IK: variants seen among roughly 807,000 people sequenced by gnomAD.
The protein encoded by IK is protein Red.
In IK, 47 loss-of-function variants were observed where a neutral mutation model predicts 90.9. The observed-to-expected ratio is 0.52, with a 90% CI of 0.41 to 0.66. The LOEUF is 0.66. Ranked by LOEUF, IK falls within the 30% of genes least tolerant of loss-of-function variation. IK has a pLI of 0.00. For missense variants in IK, 385 were observed against 709.3 expected (o/e 0.54, Z 5.19); for synonymous variants, 201 against 227.5 (o/e 0.88, Z 1.05).
intron 6 of IK, 104 bp from the exon 7 acceptor site, chr5:140,654,412 G>C: frequency 1.1e-6 from 1 of 900,268 alleles, no homozygotes; most frequent in Non-Finnish European, 1.7e-6. Context: ...AACAATATCT[G>C]TCATGTTTAA....
Position 140,648,492 on chromosome 5 carries a change from T to C in IK, c.38T>C (p.Leu13Ser), listed in dbSNP as rs761373849. 8 of 1,614,050 alleles carry C rather than the reference T, an allele frequency of 5.0e-6. No individual in the cohort carries two copies. Among genetic ancestry groups the C allele is most frequent in the Non-Finnish European group, 6.8e-6 (8 of 1,179,880 alleles). The part of the protein sequence containing the change: ...ERDSEPFSNP[L>S]APDGHDVDDP... ...TCAGGTGAGCCGTTCTCCAACCCTT[T>C]GGCCCCCGATGGCCACGATGTGGAT... is the stretch of plus-strand genomic sequence containing the variant. Residue 13 changes from leucine (L) to serine (S), a missense_variant, in exon 2 of 20, where the codon TTG (leucine) becomes TCG (serine). Around this residue, in one of 8 missense-constraint regions of IK, gnomAD observed 42 missense variants for 37.9 expected, o/e 1.11. Transcript: ENST00000417647.
intron 3 of IK, 63 bp from the exon 4 acceptor site, chr5:140,652,025 C>G: frequency 7.6e-7 from 1 of 1,308,956 alleles, no homozygotes; most frequent in Non-Finnish European, 1.1e-6. Flanking sequence ...CTCAAGGAGA[C>G]TTCTTGGGGT....
intron 9 of IK, 66 bp downstream of exon 9, chr5:140,656,058 GC>G: frequency 6.8e-7 from 1 of 1,471,508 alleles, no homozygotes; most frequent in Non-Finnish European, 9.2e-7. Context: ...CCTGGCCTCT[GC>G]CCCGTGTCCC....
chr5:140,655,500 A>G (rs1303124811), intron 8 of IK, among the ~76,000 whole-genome samples: 1 of 152,228 alleles, frequency 6.6e-6, no homozygotes, highest in Non-Finnish European at 1.5e-5. Flanking sequence ...TCTTCCTCAC[A>G]GGACTTAATA....
chr5:140,656,496 TAA>T (rs958430618), intron 9 of IK, among the ~76,000 whole-genome samples: 3 of 151,832 alleles, frequency 2.0e-5, no homozygotes, highest in African/African-American at 7.3e-5. Flanking sequence ...CTGGAGCTAT[TAA>T]AAAGGCTTCT....
chr5:140,651,158 C>T (rs1757609262), intron 2 of IK, among the ~76,000 whole-genome samples: 1 of 152,142 alleles, frequency 6.6e-6, no homozygotes, highest in Non-Finnish European at 1.5e-5. Flanking sequence ...TTAAAAGTGG[C>T]ATGGCATATC....
intron 9 of IK, 71 bp downstream of exon 9, chr5:140,656,063 G>A (rs561839762): frequency 1.4e-4 from 200 of 1,426,126 alleles, no homozygotes; most frequent in Non-Finnish European, 1.7e-4. Flanking sequence ...CCTCTGCCCC[G>A]TGTCCCTTGT....
At chr5:140,656,127 C>A in intron 9 of IK, 135 bp downstream of exon 9, 1 of 671,352 alleles carries the variant, frequency 1.5e-6, no homozygotes, top group Non-Finnish European at 2.3e-6. Context: ...CAACTGAATC[C>A]ATTCACTTTT....
intron 11 of IK, 45 bp downstream of exon 11, chr5:140,658,821 G>C: frequency 1.3e-6 from 2 of 1,599,118 alleles, no homozygotes; most frequent in Non-Finnish European, 1.7e-6. Context: ...GAGGGGGTCT[G>C]TACATTTCTT....
In IK at chr5:140,655,874, G is replaced by A. The variant is rs772004082; in HGVS notation, c.683G>A (p.Arg228Gln). 3.7e-6 allele frequency: 6 copies of A among 1,607,924 alleles called. No individual in the cohort carries two copies. The highest frequency in any genetic ancestry group is 2.7e-5 in the African/African-American group (2 of 74,870). Residue 228 changes from arginine to glutamine, a missense_variant, in exon 9 of 20, where the codon CGG becomes CAG. By Grantham distance (43) the Arg-to-Gln change is conservative (BLOSUM62 1). Coordinates refer to ENST00000417647, the MANE Select transcript of IK (RefSeq NM_006083.4). ...RMLFKSKAYE[R>Q]NELFLPGRMA... ...CTTTTTAAGAGCAAAGCATATGAGCGGAATGAGTTGTTCCTGCCGGGCCGC... is the reference window on the plus strand; with the variant it reads ...CTTTTTAAGAGCAAAGCATATGAGCAGAATGAGTTGTTCCTGCCGGGCCGC...
chr5:140,649,137 C>A (rs1307127344), intron 2 of IK, among the ~76,000 whole-genome samples: 1 of 147,156 alleles, frequency 6.8e-6, no homozygotes, highest in Admixed American at 6.8e-5. Flanking sequence ...GTGCCTGGCC[C>A]CCGATAAAAT....
intron 13 of IK, 94 bp downstream of exon 13, chr5:140,659,427 C>G (rs368424423): frequency 7.3e-7 from 1 of 1,364,492 alleles, no homozygotes. Context: ...TGGGGGACCT[C>G]CTGGTTCTGG....
In IK at chr5:140,662,221, G is replaced by A; in HGVS notation, c.1646+8G>A. On this transcript the variant is annotated splice_region_variant and intron_variant, in intron 19 of 19. Coordinates refer to ENST00000417647, the MANE Select transcript of IK (RefSeq NM_006083.4). ...GAAGATGGAAGCTGATGGGTGAGCGGCATTATTCTTCCTCTGTGGGACTGG... is the reference window on the plus strand; with the variant it reads ...GAAGATGGAAGCTGATGGGTGAGCGACATTATTCTTCCTCTGTGGGACTGG... 1 of 1,613,934 alleles carries A rather than the reference G, an allele frequency of 6.2e-7. No homozygotes were observed. The highest frequency in any genetic ancestry group is 8.5e-7 in the Non-Finnish European group (1 of 1,179,872).
intron 9 of IK, 96 bp downstream of exon 9, chr5:140,656,088 A>AGT: frequency 8.4e-7 from 1 of 1,183,796 alleles, no homozygotes; most frequent in African/African-American, 1.5e-5. Context: ...CATGTCACCA[A>AGT]GTGCTGTTCA....
intron 5 of IK, among the ~76,000 whole-genome samples, chr5:140,653,606 C>T (rs947282325): frequency 6.9e-6 from 1 of 145,796 alleles, no homozygotes; most frequent in African/African-American, 2.5e-5. Flanking sequence ...TCCCCCACCC[C>T]CTTTTTTTTT....
Position 140,653,965 on chromosome 5 carries a change from A to C in IK, c.432A>C (p.Arg144Ser). Reference protein sequence around the residue: ...EADKSAAEKRRQLIQESKFLG... With the variant: ...EADKSAAEKRSQLIQESKFLG... Reference sequence around the variant, plus strand: ...ACAAATCAGCTGCAGAGAAGAGAAGACAGTTGATCCAGGAGTCCAAATTCT... The same window carrying C: ...ACAAATCAGCTGCAGAGAAGAGAAGCCAGTTGATCCAGGAGTCCAAATTCT... Residue 144 changes from arginine (R) to serine (S), a missense_variant, in exon 6 of 20, where the codon AGA (arginine) becomes AGC (serine). This residue lies in a region of IK where 64 missense variants were observed against 144.6 expected (regional missense o/e 0.44). Transcript: ENST00000417647. The C allele has an allele frequency of 6.2e-7, 1 of 1,611,218 alleles. No homozygotes were observed. Among genetic ancestry groups the C allele is most frequent in the Non-Finnish European group, 8.5e-7 (1 of 1,177,734 alleles).
In IK at chr5:140,653,136, T is replaced by C; in HGVS notation, c.396T>C (p.Thr132=). Residue 132 remains threonine (T), a synonymous_variant, in exon 5 of 20, where the codon ACT becomes ACC. Transcript: ENST00000417647. ...CTAACTATAGGGCTGTTGGCCCCAC[T>C]GCTGAGGCGTGAGTACTGAGGGAAC... ...TTANYRAVGP[T]AEADKSAAEK... 6.2e-7 allele frequency: 1 copy of C among 1,613,662 alleles called. No homozygotes were observed.
At chr5:140,656,473 C>T (rs1312247329) in intron 9 of IK, among the ~76,000 whole-genome samples, 1 of 152,232 alleles carries the variant, frequency 6.6e-6, no homozygotes, top group East Asian at 1.9e-4. Flanking sequence ...GCATGAGCCA[C>T]TGCGCCAGTC....
intron 10 of IK, among the ~76,000 whole-genome samples, chr5:140,658,226 G>A (rs1286899193): frequency 6.6e-6 from 1 of 152,040 alleles, no homozygotes; most frequent in Non-Finnish European, 1.5e-5. Flanking sequence ...GGCTGGCCTC[G>A]AACTCCTGAC....
Sources: gnomAD v4.1 joint callset for allele counts (sites outside exome capture counted in the v4.1 genomes callset) on GRCh38, gnomAD v4.1.1 for gene constraint, gnomAD v4.1.1 regional missense constraint, MANE v1.5 for transcripts, NCBI Gene and HGNC (gene_info 2026-07-23, HGNC 2026-07-21) for gene names.